The following AGPAT3 variants were observed in gnomAD, a reference collection of about 807,000 sequenced individuals.
AGPAT3 encodes the protein 1-acylglycerol-3-phosphate O-acyltransferase 3.
Under a neutral mutation model 47.3 loss-of-function variants are expected in AGPAT3, and 5 were observed. The observed-to-expected ratio is 0.11, with a 90% CI of 0.06 to 0.22. The LOEUF (loss-of-function observed/expected upper bound fraction) is 0.22. Among genes scored for constraint, AGPAT3 ranks in the 10% least tolerant of loss-of-function variants. The pLI is 1.00. For missense variants in AGPAT3, 315 were observed against 493.0 expected, an observed-to-expected ratio of 0.64 and a Z score of 3.42; for synonymous variants, 212 against 208.3, an observed-to-expected ratio of 1.02 and a Z score of -0.15.
At chr21:43,915,574 G>T (rs1183492918) in intron 2 of AGPAT3, among the ~76,000 whole-genome samples, 2 of 151,134 alleles carry the variant, frequency 1.3e-5, no homozygotes, top group Non-Finnish European at 2.9e-5. Context: ...ACCATGCCTG[G>T]CTAATTTTTG....
At chr21:43,868,372 A>G (rs2085554299) in intron 1 of AGPAT3, among the ~76,000 whole-genome samples, 1 of 152,104 alleles carries the variant, frequency 6.6e-6, no homozygotes, top group Non-Finnish European at 1.5e-5. Flanking sequence ...ACTGGCAGAA[A>G]TCTACCTCCT....
Position 43,981,141 on chromosome 21 carries a change from C to T in AGPAT3, c.996C>T (p.Ser332=), listed in dbSNP as rs370914982. Residue 332 remains serine, a synonymous_variant, in exon 9 of 10, where the codon AGC becomes AGT. Coordinates refer to ENST00000291572, the MANE Select transcript of AGPAT3 (RefSeq NM_020132.5). The surrounding 1 kb of genome is among the most constrained non-coding windows in gnomAD (Gnocchi z 5.3). The part of the protein sequence containing the change: ...LFSFVLGVFA[S]GSPLLILTFL... ...GTTTTGTCTTGGGCGTCTTTGCCAG[C>T]GGATCACCTCTCCTGATCCTGACTT... 7.4e-6 allele frequency: 12 copies of T among 1,614,182 alleles called. No individual in the cohort carries two copies. Among genetic ancestry groups the T allele is most frequent in the African/African-American group, 4.0e-5 (3 of 75,040 alleles).
chr21:43,877,295 A>G (rs1242314248), intron 1 of AGPAT3, among the ~76,000 whole-genome samples: 1 of 152,216 alleles, frequency 6.6e-6, no homozygotes, highest in East Asian at 1.9e-4. Flanking sequence ...TGCCATTTCA[A>G]TTGGCTTTCT....
chr21:43,914,463 CTG>C (rs925855614), intron 2 of AGPAT3, among the ~76,000 whole-genome samples: 11 of 152,180 alleles, frequency 7.2e-5, no homozygotes, highest in African/African-American at 2.2e-4. Flanking sequence ...TTTTAAAAAA[CTG>C]TTTAATAGAT....
intron 1 of AGPAT3, among the ~76,000 whole-genome samples, chr21:43,873,584 G>A (rs1005940948): frequency 2.0e-5 from 3 of 152,192 alleles, no homozygotes; most frequent in Non-Finnish European, 4.4e-5. Flanking sequence ...CACCATGTTG[G>A]CCAGGCTGGT....
At chr21:43,960,035 G>A (rs1026513610) in intron 3 of AGPAT3, among the ~76,000 whole-genome samples, 176 bp downstream of exon 3, 1 of 152,190 alleles carries the variant, frequency 6.6e-6, no homozygotes, top group African/African-American at 2.4e-5. Flanking sequence ...TTCTTAGCTT[G>A]AGCTGTGTGA....
In AGPAT3 at chr21:43,970,964, G is replaced by A. The variant is rs978207782; in HGVS notation, c.664+158G>A. ...GGGGTCGGCGCCGCAAGGTTCCCGC[G>A]TCAGGTTTTGAGGTGATAAAATGCT... On this transcript the variant is annotated intron_variant, in intron 6 of 9. Coordinates refer to ENST00000291572, the MANE Select transcript of AGPAT3 (RefSeq NM_020132.5). The surrounding 1 kb of genome is among the most constrained non-coding windows in gnomAD (Gnocchi z 5.8). 1.3e-5 allele frequency among the ~76,000 whole-genome samples: 2 copies of A among 151,812 alleles called. No individual in the cohort carries two copies. Among genetic ancestry groups the A allele is most frequent in the Non-Finnish European group, 2.9e-5 (2 of 67,976 alleles).
intron 2 of AGPAT3, among the ~76,000 whole-genome samples, chr21:43,937,800 C>G (rs1389185456): frequency 6.6e-6 from 1 of 152,164 alleles, no homozygotes; most frequent in Non-Finnish European, 1.5e-5. Context: ...ACTCCTTTCT[C>G]TCTCTCATTA....
At chr21:43,941,926 G>A (rs1285817430) in intron 2 of AGPAT3, among the ~76,000 whole-genome samples, 1 of 152,258 alleles carries the variant, frequency 6.6e-6, no homozygotes, top group Non-Finnish European at 1.5e-5. Flanking sequence ...CATTGCGCCT[G>A]AGCAGCTGCT....
chr21:43,971,166 C>T (rs890968237), intron 6 of AGPAT3, among the ~76,000 whole-genome samples: 7 of 152,162 alleles, frequency 4.6e-5, no homozygotes, highest in Non-Finnish European at 7.3e-5. Flanking sequence ...CCATGGGAAA[C>T]GTCAGCCACT....
chr21:43,876,943 C>G (rs2085746170), intron 1 of AGPAT3, among the ~76,000 whole-genome samples: 2 of 152,110 alleles, frequency 1.3e-5, no homozygotes, highest in African/African-American at 2.4e-5. Flanking sequence ...ACTGCAACCT[C>G]CGCCTCCAGG....
At chr21:43,882,007 T>G (rs1020014484) in intron 1 of AGPAT3, among the ~76,000 whole-genome samples, 2 of 152,286 alleles carry the variant, frequency 1.3e-5, no homozygotes, top group African/African-American at 4.8e-5. Flanking sequence ...ATGTGGCCTC[T>G]AGCAATGTAA....
At chr21:43,904,632 G>A (rs1338811640) in intron 2 of AGPAT3, among the ~76,000 whole-genome samples, 2 of 152,178 alleles carry the variant, frequency 1.3e-5, no homozygotes, top group Non-Finnish European at 2.9e-5. Context: ...TGGCCGTTGA[G>A]TCACTGGGTG....
intron 3 of AGPAT3, chr21:43,967,575 G>T: frequency 4.9e-6 from 1 of 202,144 alleles, no homozygotes. Context: ...ACATACGATG[G>T]TTGTTTTCTG....
At chr21:43,949,240 A>G (rs544369896) in intron 2 of AGPAT3, among the ~76,000 whole-genome samples, 122 of 152,332 alleles carry the variant, frequency 8.0e-4, no homozygotes, top group African/African-American at 2.8e-3. Flanking sequence ...CTCAAAATGT[A>G]TCAATTTAAA....
intron 2 of AGPAT3, among the ~76,000 whole-genome samples, chr21:43,945,855 T>C (rs1310707897): frequency 4.6e-5 from 7 of 152,226 alleles, no homozygotes; most frequent in African/African-American, 1.7e-4. Flanking sequence ...CTACATCATC[T>C]CATGCTTGCA....
Position 43,926,334 on chromosome 21 carries a change from C to T in AGPAT3, c.-49+22315C>T, listed in dbSNP as rs111564037. On this transcript the variant is annotated intron_variant, in intron 2 of 9. Transcript: ENST00000291572. ...TGAGCCTTCGCTCTGCCGTCCTTGG[C>T]TGAACAAGCTGTTTCTCTGGGGACC... Among the ~76,000 whole-genome samples the T allele has an allele frequency of 2.5e-4, 38 of 152,334 alleles. No homozygotes were observed. The East Asian group carries it at 7.3e-3, about 29-fold the overall frequency.
chr21:43,927,816 A>C (rs1327091047), intron 2 of AGPAT3, among the ~76,000 whole-genome samples: 2 of 152,110 alleles, frequency 1.3e-5, no homozygotes, highest in Non-Finnish European at 2.9e-5. Flanking sequence ...TTCCATGAGG[A>C]GCAAATGTGT....
chr21:43,881,421 GA>G (rs1161175746), intron 1 of AGPAT3, among the ~76,000 whole-genome samples: 9 of 152,208 alleles, frequency 5.9e-5, no homozygotes, highest in Admixed American at 2.6e-4. Context: ...CGCCCTCAGA[GA>G]ACGTGTCATA....
Sources: allele counts gnomAD v4.1 joint callset (sites outside exome capture counted in the v4.1 genomes callset), GRCh38; gene constraint gnomAD v4.1.1; non-coding constraint Gnocchi (gnomAD v3.1); transcripts MANE v1.5; gene names NCBI Gene and HGNC (gene_info 2026-07-23, HGNC 2026-07-21).